DPH6: variants seen among roughly 807,000 people sequenced by gnomAD.
The protein encoded by DPH6 is diphthine--ammonia ligase.
Under a neutral mutation model 38.2 loss-of-function variants are expected in DPH6, and 33 were observed. The observed-to-expected ratio is 0.86, with a 90% CI of 0.65 to 1.15. DPH6 has a LOEUF of 1.15. Ranked by LOEUF, DPH6 falls within the 50% of genes most tolerant of loss-of-function variation. The probability of loss-of-function intolerance (pLI) is 0.00; values close to 1 mark genes in which losing one functional copy is unlikely to be tolerated. For missense variants in DPH6, 325 were observed against 320.0 expected (o/e 1.02, Z -0.12); for synonymous variants, 108 against 103.0 (o/e 1.05, Z -0.30).
intron 3 of DPH6, among the ~76,000 whole-genome samples, chr15:35,331,955 T>G (rs147287947): frequency 1.3e-5 from 2 of 152,272 alleles, no homozygotes; most frequent in African/African-American, 4.8e-5. Context: ...GAGCTTTTGG[T>G]AGAGCATTGT....
At chr15:35,392,262 G>A (rs2053070343) in intron 6 of DPH6, among the ~76,000 whole-genome samples, 2 of 152,058 alleles carry the variant, frequency 1.3e-5, no homozygotes, top group African/African-American at 4.8e-5. Context: ...TAGCTCCATT[G>A]GAATACTGCT....
rs2051427190 is a variant in DPH6, at chr15:35,219,122, T to TA, written n.1660_1661insT. The TA allele has an allele frequency of 9.8e-5, 15 of 152,318 alleles. 1 individual carries two copies. The South Asian group carries it at 2.7e-3, about 27-fold the overall frequency. The allele number at this position is 152,318 out of a possible 1,614,324, so 9.4% of individuals were successfully genotyped here. On this transcript the variant is annotated non_coding_transcript_exon_variant, in exon 4 of 4. Coordinates refer to the DPH6 transcript ENST00000560386. ...TCATTTTAAGTCACAAAGTGTAGTCTTCTCTTCCGTAATGTGGTTGATATA... is the reference window on the plus strand; with the variant it reads ...TCATTTTAAGTCACAAAGTGTAGTCTATCTCTTCCGTAATGTGGTTGATATA...
At chr15:35,521,737 T>C in intron 3 of DPH6, 1 of 1,232,132 alleles carries the variant, frequency 8.1e-7, no homozygotes, top group Non-Finnish European at 1.0e-6. Context: ...TATGCAAAGC[T>C]TGATTGTGAG....
intron 5 of DPH6, among the ~76,000 whole-genome samples, chr15:35,439,106 G>A (rs891251144): frequency 1.3e-5 from 2 of 152,092 alleles, no homozygotes; most frequent in African/African-American, 4.8e-5. Flanking sequence ...CTCACCTCAC[G>A]GTCAAACTGG....
At chr15:35,369,221 T>C (rs2052688541), downstream of DPH6, among the ~76,000 whole-genome samples, 1 of 151,672 alleles carries the variant, frequency 6.6e-6, no homozygotes, top group African/African-American at 2.4e-5. Flanking sequence ...ATCAAAGTAA[T>C]TAAGGTCAAG....
At chr15:35,408,147 G>A (rs1284468969) in intron 6 of DPH6, among the ~76,000 whole-genome samples, 1 of 151,914 alleles carries the variant, frequency 6.6e-6, no homozygotes, top group Non-Finnish European at 1.5e-5. Context: ...CAGCAGACAA[G>A]ATCATGTTAA....
At chr15:35,365,919 T>C (rs1016445780), downstream of DPH6, 36 of 985,158 alleles carry the variant, frequency 3.7e-5, no homozygotes, top group Non-Finnish European at 4.1e-5. Context: ...CATTAGGTTT[T>C]AGACTGGTAA....
intron 3 of DPH6, among the ~76,000 whole-genome samples, chr15:35,228,536 G>T (rs910982662): frequency 6.6e-6 from 1 of 152,052 alleles, no homozygotes; most frequent in Non-Finnish European, 1.5e-5. Context: ...TCAAGGAATT[G>T]TCCCACCTCA....
chr15:35,481,949 C>G (rs2054332531), intron 3 of DPH6, among the ~76,000 whole-genome samples: 2 of 152,180 alleles, frequency 1.3e-5, no homozygotes, highest in South Asian at 4.1e-4. Flanking sequence ...AAACAACTAT[C>G]TCAAGGATCT....
chr15:35,349,643 C>T (rs1400109643), intron 3 of DPH6, among the ~76,000 whole-genome samples: 1 of 152,146 alleles, frequency 6.6e-6, no homozygotes, highest in East Asian at 1.9e-4. Context: ...CCATGTTGGC[C>T]AAGCTGGTCT....
At chr15:35,395,835 T>C (rs747648861) in intron 6 of DPH6, among the ~76,000 whole-genome samples, 2 of 152,214 alleles carry the variant, frequency 1.3e-5, no homozygotes, top group African/African-American at 2.4e-5. Flanking sequence ...GTAGTTCTTA[T>C]AGCAGTTAGC....
At chr15:35,354,695 G>T (rs929389778) in intron 3 of DPH6, among the ~76,000 whole-genome samples, 2 of 152,128 alleles carry the variant, frequency 1.3e-5, no homozygotes, top group South Asian at 2.1e-4. Flanking sequence ...GTATTTTATT[G>T]AGAATTTTTG....
the DPH6 span, among the ~76,000 whole-genome samples, chr15:35,151,925 T>G: frequency 5.3e-5 from 8 of 152,204 alleles, no homozygotes; most frequent in Admixed American, 5.2e-4. Flanking sequence ...CCTTACAATT[T>G]TCACTTTGAA....
At chr15:35,350,440 G>C (rs888958459) in intron 3 of DPH6, among the ~76,000 whole-genome samples, 4 of 149,892 alleles carry the variant, frequency 2.7e-5, no homozygotes, top group Admixed American at 2.0e-4. Context: ...ATTACTTTCT[G>C]CTCTAACATT....
At chr15:35,446,927 G>C (rs2053861845) in intron 5 of DPH6, among the ~76,000 whole-genome samples, 1 of 151,328 alleles carries the variant, frequency 6.6e-6, no homozygotes, top group African/African-American at 2.4e-5. Flanking sequence ...GGAGTGCAGT[G>C]GCGTGATCTC....
At chr15:35,386,833 C>G (rs2052967450) in intron 6 of DPH6, among the ~76,000 whole-genome samples, 1 of 152,116 alleles carries the variant, frequency 6.6e-6, no homozygotes, top group South Asian at 2.1e-4. Flanking sequence ...TGTGCAGAAG[C>G]TCTTTAGTTT....
chr15:35,545,499 C>G lies in DPH6; in HGVS notation c.23+620G>C, dbSNP rs144130790. 1.8e-3 allele frequency among the ~76,000 whole-genome samples: 276 copies of G among 152,312 alleles called. 1 individual carries two copies. The highest frequency in any genetic ancestry group is 6.4e-3 in the African/African-American group (267 of 41,572). ...GACTAGTACAATTCGGTCTCTACCA[C>G]GAAGAGAGATCTCTGTACTTGAGTG... On this transcript the variant is annotated intron_variant, in intron 1 of 8. Transcript: ENST00000256538.
intron 3 of DPH6, among the ~76,000 whole-genome samples, chr15:35,527,610 C>G (rs1431078081): frequency 1.3e-5 from 2 of 151,926 alleles, no homozygotes; most frequent in Non-Finnish European, 2.9e-5. Context: ...GTGGGGTGAA[C>G]TGAGGAGGAC....
chr15:35,420,735 G>A (rs73378769), intron 5 of DPH6, among the ~76,000 whole-genome samples: 46,533 of 151,760 alleles, frequency 0.31, 7,857 homozygotes, highest in African/African-American at 0.45. Flanking sequence ...CAGGCTGGTC[G>A]CGAACTCCTA....
Sources: gnomAD v4.1 joint callset for allele counts (sites outside exome capture counted in the v4.1 genomes callset) on GRCh38, gnomAD v4.1.1 for gene constraint, MANE v1.5 for transcripts, NCBI Gene and HGNC (gene_info 2026-07-23, HGNC 2026-07-21) for gene names.